Variants in GALNT17 observed in about 807,000 individuals in gnomAD.
GALNT17 encodes the protein polypeptide N-acetylgalactosaminyltransferase 17.
GALNT17 carries 29 observed loss-of-function variants against 63.7 expected under a neutral mutation model. That is an observed-to-expected ratio of 0.46 (90% CI 0.34 to 0.62). The LOEUF is 0.62. GALNT17 is among the 20% of genes least tolerant of loss of function. The pLI is 0.01. For synonymous variants in GALNT17, 305 were observed against 318.3 expected, an observed-to-expected ratio of 0.96 and a Z score of 0.45; for missense variants, 603 against 799.6, an observed-to-expected ratio of 0.75 and a Z score of 2.97.
In GALNT17 at chr7:71,567,374, G is replaced by T. The variant is rs112099553; in HGVS notation, c.963-3911G>T. ...CACCTCCCAGTAAGAAGGTGAAGGC[G>T]CATTACTTATTGAGCTCCTGCTCTG... On this transcript the variant is annotated intron_variant, in intron 5 of 10. Coordinates refer to ENST00000333538, the MANE Select transcript of GALNT17 (RefSeq NM_022479.3). 3.0e-3 allele frequency among the ~76,000 whole-genome samples: 459 copies of T among 152,328 alleles called. 3 individuals carry two copies. Among genetic ancestry groups the T allele is most frequent in the African/African-American group, 0.01 (420 of 41,574 alleles).
At chr7:71,491,341 T>C (rs1159465057) in intron 5 of GALNT17, among the ~76,000 whole-genome samples, 3 of 152,130 alleles carry the variant, frequency 2.0e-5, no homozygotes, top group Non-Finnish European at 4.4e-5. Flanking sequence ...ACCAGCAGCC[T>C]TCATTTTTTC....
chr7:71,377,114 A>AAAAAAAG lies in GALNT17; in HGVS notation c.423-11120_423-11119insAAAAAGA. Among the ~76,000 whole-genome samples the AAAAAAAG allele has an allele frequency of 3.5e-5, 2 of 57,486 alleles. 1 individual carries two copies. Among genetic ancestry groups the AAAAAAAG allele is most frequent in the African/African-American group, 1.9e-4 (2 of 10,662 alleles). 37.7% of individuals were successfully genotyped at this position (57,486 alleles called of 152,430 possible). A position where few individuals can be genotyped will look rare whatever the true frequency, so the allele number is the denominator to read the frequency against. The stretch of plus-strand genomic sequence containing the variant: ...AAAAAAAAAAAATAAAAATAAAAAA[A>AAAAAAAG]ATATATATATATATATATATATATA... On this transcript the variant is annotated intron_variant, in intron 2 of 10. Transcript: ENST00000333538.
chr7:71,498,023 A>T (rs775494773), intron 5 of GALNT17, among the ~76,000 whole-genome samples: 11 of 152,238 alleles, frequency 7.2e-5, no homozygotes, highest in Non-Finnish European at 1.2e-4. Flanking sequence ...GTGTGGGATC[A>T]TGCCTTTTCT....
chr7:71,702,035 G>A (rs936875319), intron 9 of GALNT17, among the ~76,000 whole-genome samples: 3 of 151,172 alleles, frequency 2.0e-5, no homozygotes, highest in African/African-American at 2.4e-5. Flanking sequence ...AATTAACAAA[G>A]GAACAGAAAA....
chr7:71,375,885 C>T (rs1792712292), intron 2 of GALNT17, among the ~76,000 whole-genome samples: 1 of 152,172 alleles, frequency 6.6e-6, no homozygotes, highest in Admixed American at 6.5e-5. Context: ...CACGACCAGC[C>T]TGAACAACAT....
chr7:71,670,630 T>C (rs1215200129), intron 8 of GALNT17, among the ~76,000 whole-genome samples: 1 of 152,212 alleles, frequency 6.6e-6, no homozygotes, highest in Admixed American at 6.5e-5. Flanking sequence ...ATAATAATAC[T>C]AGGGATGAAT....
chr7:71,224,312 G>A (rs143001725), intron 1 of GALNT17, among the ~76,000 whole-genome samples: 29 of 152,214 alleles, frequency 1.9e-4, no homozygotes, highest in Non-Finnish European at 4.0e-4. Context: ...CCAAAGTTTC[G>A]GGATTACAGG....
At chr7:71,510,699 T>G (rs1035252659) in intron 5 of GALNT17, among the ~76,000 whole-genome samples, 2 of 152,316 alleles carry the variant, frequency 1.3e-5, no homozygotes, top group Non-Finnish European at 1.5e-5. Context: ...GGGTCTCTTT[T>G]GCATCCTTCT....
chr7:71,312,856 G>T (rs759346246), intron 1 of GALNT17, among the ~76,000 whole-genome samples: 1 of 152,118 alleles, frequency 6.6e-6, no homozygotes, highest in Non-Finnish European at 1.5e-5. Flanking sequence ...GAAGACTCAG[G>T]GCTAGCATTT....
chr7:71,469,828 G>A (rs368733399), intron 5 of GALNT17, among the ~76,000 whole-genome samples: 2 of 152,180 alleles, frequency 1.3e-5, no homozygotes, highest in East Asian at 3.9e-4. Flanking sequence ...AGGGACCAGA[G>A]GAAAATATGA....
intron 5 of GALNT17, among the ~76,000 whole-genome samples, chr7:71,433,214 A>G (rs913998559): frequency 6.6e-6 from 1 of 152,206 alleles, no homozygotes; most frequent in African/African-American, 2.4e-5. Context: ...GGTATGCTGT[A>G]TAGAGGGCTC....
At chr7:71,665,734 T>G in intron 7 of GALNT17, 138 bp downstream of exon 7, 1 of 981,634 alleles carries the variant, frequency 1.0e-6, no homozygotes, top group Non-Finnish European at 1.5e-6. Context: ...TCAAAGGGAT[T>G]CACAGATGTC....
At chr7:71,403,418 G>T (rs2116394119) in intron 3 of GALNT17, among the ~76,000 whole-genome samples, 1 of 152,282 alleles carries the variant, frequency 6.6e-6, no homozygotes, top group Non-Finnish European at 1.5e-5. Flanking sequence ...CTGATGTTCA[G>T]CTGGAATGTG....
intron 6 of GALNT17, among the ~76,000 whole-genome samples, chr7:71,633,875 A>T (rs939859015): frequency 6.6e-6 from 1 of 152,208 alleles, no homozygotes; most frequent in Non-Finnish European, 1.5e-5. Flanking sequence ...GCTCAGCGAC[A>T]TCAAGCATTG....
At chr7:71,445,250 C>T (rs1334606112) in intron 5 of GALNT17, among the ~76,000 whole-genome samples, 1 of 150,422 alleles carries the variant, frequency 6.6e-6, no homozygotes, top group Non-Finnish European at 1.5e-5. Flanking sequence ...ACAATCTCAG[C>T]TCACTGCAAC....
chr7:71,285,701 C>A (rs1418740529), intron 1 of GALNT17, among the ~76,000 whole-genome samples: 2 of 152,116 alleles, frequency 1.3e-5, no homozygotes, highest in Non-Finnish European at 2.9e-5. Flanking sequence ...TGTGAGGACA[C>A]AGCAAAAAGA....
intron 5 of GALNT17, among the ~76,000 whole-genome samples, chr7:71,484,643 A>G (rs1787879740): frequency 6.6e-6 from 1 of 152,098 alleles, no homozygotes; most frequent in Non-Finnish European, 1.5e-5. Context: ...GGCATTCTTC[A>G]GCTACATTAT....
chr7:71,273,724 GTGAGATAAAGAGACTT>G (rs1790632945), intron 1 of GALNT17, among the ~76,000 whole-genome samples: 1 of 152,216 alleles, frequency 6.6e-6, no homozygotes, highest in South Asian at 2.1e-4. Context: ...GGAAAAGAGA[GTGAGATAAAGAGACTT>G]TGGCTAAGCA....
At chr7:71,208,607 T>C (rs1005345771) in intron 1 of GALNT17, among the ~76,000 whole-genome samples, 26 of 151,722 alleles carry the variant, frequency 1.7e-4, no homozygotes, top group Non-Finnish European at 3.5e-4. Context: ...TGTGCCATCA[T>C]GCCCAGCCAA....
Sources: gnomAD v4.1 joint callset for allele counts (sites outside exome capture counted in the v4.1 genomes callset) on GRCh38, gnomAD v4.1.1 for gene constraint, MANE v1.5 for transcripts, NCBI Gene and HGNC (gene_info 2026-07-23, HGNC 2026-07-21) for gene names.